The following TBC1D8 variants were observed in gnomAD, a reference collection of about 807,000 sequenced individuals.
TBC1D8 encodes TBC1 domain family member 8, also known as BUB2-like protein 1.
TBC1D8 carries 65 observed loss-of-function variants against 118.8 expected under a neutral mutation model. The ratio of observed to expected loss-of-function variants is 0.55; its 90% CI spans 0.45 to 0.67. The LOEUF (loss-of-function observed/expected upper bound fraction) is 0.67, where lower values mean the gene tolerates loss of function less well. Ranked by LOEUF, TBC1D8 falls within the 30% of genes least tolerant of loss-of-function variation. TBC1D8 has a pLI of 0.00. For missense variants in TBC1D8, 1,376 were observed against 1,471.2 expected (o/e 0.94, Z 1.06); for synonymous variants, 566 against 595.8 (o/e 0.95, Z 0.73).
chr2:101,143,991 A>G (rs1016636628), intron 1 of TBC1D8, among the ~76,000 whole-genome samples: 1 of 152,158 alleles, frequency 6.6e-6, no homozygotes, highest in Non-Finnish European at 1.5e-5. Context: ...CATAATTTCC[A>G]TTTGCAGGAT....
chr2:101,104,069 A>G (rs1415706609), intron 1 of TBC1D8, among the ~76,000 whole-genome samples: 2 of 152,178 alleles, frequency 1.3e-5, no homozygotes, highest in Admixed American at 1.3e-4. Flanking sequence ...CTGGAACTGG[A>G]ACAACTGGAA....
intron 1 of TBC1D8, among the ~76,000 whole-genome samples, chr2:101,122,998 G>A (rs1013701314): frequency 3.9e-5 from 6 of 152,162 alleles, no homozygotes; most frequent in East Asian, 1.9e-4. Context: ...AATCAAAGGC[G>A]AAAGGCACAG....
chr2:101,024,195 A>C (rs1286294843), intron 15 of TBC1D8, among the ~76,000 whole-genome samples: 1 of 152,236 alleles, frequency 6.6e-6, no homozygotes, highest in Non-Finnish European at 1.5e-5. Context: ...GGCAAAGGAT[A>C]TGAACAGGTG....
At position 101,118,976 on chromosome 2, in the gene TBC1D8, C is replaced by T. The variant is rs1437541605; in HGVS notation, c.128-28612G>A. On this transcript the variant is annotated intron_variant, in intron 1 of 19. Transcript: ENST00000409318. ...ACAGAGCTGTGACGACACCACTACA[C>T]TCCAGCCTGGATGACAGACTGAGAC... Among the ~76,000 whole-genome samples, 53 of 152,266 alleles carry T rather than the reference C, an allele frequency of 3.5e-4. 2 individuals carry two copies. The highest frequency in any genetic ancestry group is 3.5e-3 in the Admixed American group (53 of 15,298).
chr2:101,056,250 C>T (rs1363139579), intron 3 of TBC1D8, among the ~76,000 whole-genome samples: 3 of 150,402 alleles, frequency 2.0e-5, no homozygotes, highest in Non-Finnish European at 3.0e-5. Flanking sequence ...GTCGCCCAGG[C>T]TGGAGTGCAG....
intron 1 of TBC1D8, among the ~76,000 whole-genome samples, chr2:101,137,138 T>C (rs909171676): frequency 9.9e-5 from 15 of 151,616 alleles, no homozygotes; most frequent in Non-Finnish European, 1.5e-5. Flanking sequence ...GTTCAAGTGA[T>C]TCTACTGCCT....
In TBC1D8 at chr2:101,008,008, C is replaced by T; in HGVS notation, c.3281G>A (p.Arg1094Lys). The T allele has an allele frequency of 6.2e-7, 1 of 1,614,002 alleles. No homozygotes were observed. The highest frequency in any genetic ancestry group is 2.2e-5 in the East Asian group (1 of 44,880). Residue 1094 changes from arginine (R) to lysine (K), a missense_variant, in exon 20 of 20, where the codon AGG becomes AAG. By Grantham distance (26) the Arg-to-Lys change is conservative (BLOSUM62 2). Transcript: ENST00000409318. ...ATGTTCAAGGGAGACAGTCCAGTCC[C>T]TTTCTGCCGCCTCTGGAAATGCCTG... ...DSQAFPEAAERDWTVSLEHIL... is the reference protein window; with the variant it reads ...DSQAFPEAAEKDWTVSLEHIL...
At chr2:101,107,511 T>G (rs989256802) in intron 1 of TBC1D8, among the ~76,000 whole-genome samples, 1 of 152,068 alleles carries the variant, frequency 6.6e-6, no homozygotes, top group East Asian at 1.9e-4. Flanking sequence ...CCTAATACAG[T>G]TGCATGAAGA....
chr2:101,092,004 T>A lies in TBC1D8; in HGVS notation c.128-1640A>T, dbSNP rs563025611. Among the ~76,000 whole-genome samples, 3 of 152,320 alleles carry A rather than the reference T, an allele frequency of 2.0e-5. No homozygotes were observed. The South Asian group carries it at 6.2e-4, about 32-fold the overall frequency. ...CTCCTATATAACCACAGTACAACCA[T>A]CAAATTCAGAACATTAATATTGATA... is the stretch of plus-strand genomic sequence containing the variant. On this transcript the variant is annotated intron_variant, in intron 1 of 19. Transcript: ENST00000409318.
chr2:101,151,233 C>T lies in TBC1D8; in HGVS notation c.21G>A (p.Glu7=), dbSNP rs1229418760. ...GCTTCAGCGCGTTCTTCAGCAGCAC[C>T]TCCTCGGGCTTGAGCCACATCGCGG... MWLKPE[E]VLLKNALKLW... The change falls in exon 1 of 20, where the codon GAG becomes GAA. Residue 7 remains glutamate (E), a synonymous_variant. Coordinates refer to ENST00000409318, the MANE Select transcript of TBC1D8 (RefSeq NM_001330348.2). 1.6e-6 allele frequency: 2 copies of T among 1,231,666 alleles called. No homozygotes were observed. Among genetic ancestry groups the T allele is most frequent in the Non-Finnish European group, 2.1e-6 (2 of 961,934 alleles). 76.3% of individuals were successfully genotyped at this position (1,231,666 alleles called of 1,614,324 possible).
chr2:101,106,468 G>C (rs1677223097), intron 1 of TBC1D8, among the ~76,000 whole-genome samples: 1 of 152,218 alleles, frequency 6.6e-6, no homozygotes, highest in South Asian at 2.1e-4. Context: ...AGTGCGAGGA[G>C]TGAGGGAAAT....
intron 1 of TBC1D8, among the ~76,000 whole-genome samples, chr2:101,119,352 C>T (rs568152524): frequency 8.8e-6 from 1 of 113,254 alleles, no homozygotes; most frequent in Admixed American, 9.2e-5. Context: ...GATGGCTCCA[C>T]ACTTTACCTG....
intron 1 of TBC1D8, among the ~76,000 whole-genome samples, chr2:101,130,979 C>T (rs1052928959): frequency 3.9e-5 from 6 of 152,184 alleles, no homozygotes; most frequent in African/African-American, 1.4e-4. Context: ...AGATAAGATA[C>T]CCTCATACAC....
chr2:101,129,290 G>A (rs530476169), intron 1 of TBC1D8, among the ~76,000 whole-genome samples: 6 of 152,076 alleles, frequency 3.9e-5, no homozygotes, highest in Non-Finnish European at 8.8e-5. Flanking sequence ...CCAGGCACAC[G>A]CCACCACACC....
At chr2:101,046,121 T>C (rs1681686705) in intron 5 of TBC1D8, among the ~76,000 whole-genome samples, 1 of 152,218 alleles carries the variant, frequency 6.6e-6, no homozygotes, top group Admixed American at 6.5e-5. Flanking sequence ...AAATATTTCA[T>C]TTCTCAAATG....
At chr2:101,091,677 A>G (rs897637073) in intron 1 of TBC1D8, among the ~76,000 whole-genome samples, 12 of 152,162 alleles carry the variant, frequency 7.9e-5, no homozygotes, top group African/African-American at 2.9e-4. Flanking sequence ...GTGAGTAGTG[A>G]TGATGCCACT....
chr2:101,135,395 A>C (rs966532405), intron 1 of TBC1D8, among the ~76,000 whole-genome samples: 2 of 152,058 alleles, frequency 1.3e-5, no homozygotes, highest in African/African-American at 4.8e-5. Context: ...AACAGCAGAA[A>C]ACAGAATTGT....
At chr2:101,102,511 T>A (rs12623043) in intron 1 of TBC1D8, among the ~76,000 whole-genome samples, 2 of 149,032 alleles carry the variant, frequency 1.3e-5, no homozygotes, top group Admixed American at 6.7e-5. Context: ...ACCAACTAAA[T>A]GAGATTTTCA....
At chr2:101,107,837 G>A (rs917463069) in intron 1 of TBC1D8, among the ~76,000 whole-genome samples, 1 of 152,116 alleles carries the variant, frequency 6.6e-6, no homozygotes, top group African/African-American at 2.4e-5. Context: ...TGAAGAAACT[G>A]ACAAATACTA....
Sources: allele counts gnomAD v4.1 joint callset (sites outside exome capture counted in the v4.1 genomes callset), GRCh38; gene constraint gnomAD v4.1.1; transcripts MANE v1.5; gene names NCBI Gene and HGNC (gene_info 2026-07-23, HGNC 2026-07-21).